Variants in PHKA2 observed in about 807,000 individuals in gnomAD.
The protein encoded by PHKA2 is phosphorylase kinase regulatory subunit alpha 2, also known as phosphorylase b kinase regulatory subunit alpha, liver isoform.
PHKA2 carries 31 observed loss-of-function variants against 102.0 expected under a neutral mutation model. That is an observed-to-expected ratio of 0.30 (90% CI 0.23 to 0.41). PHKA2 has a LOEUF of 0.41. Ranked by LOEUF, PHKA2 falls within the 10% of genes least tolerant of loss-of-function variation. The pLI, the probability that PHKA2 is intolerant of heterozygous loss-of-function variation, is 1.00. For synonymous variants in PHKA2, 455 were observed against 416.2 expected (o/e 1.09, Z -1.13); for missense variants, 858 against 1,023.1 (o/e 0.84, Z 2.20).
At chrX:18,930,638 C>T (rs771567074) in intron 12 of PHKA2, among the ~76,000 whole-genome samples, 1 of 111,460 alleles carries the variant, frequency 9.0e-6, no homozygotes, top group Non-Finnish European at 1.9e-5. Flanking sequence ...GATCAGAGAA[C>T]TAGTGAGAGA....
In PHKA2 at chrX:18,930,656, G is replaced by A. The variant is rs774937119; in HGVS notation, c.1245+985C>T. 4.5e-5 allele frequency among the ~76,000 whole-genome samples: 5 copies of A among 111,361 alleles called. No homozygotes were observed. The South Asian group carries it at 1.9e-3, about 42-fold the overall frequency. On this transcript the variant is annotated intron_variant, in intron 12 of 32. Coordinates refer to ENST00000379942, the MANE Select transcript of PHKA2 (RefSeq NM_000292.3). Reference sequence around the variant, plus strand: ...CAGAGAACTAGTGAGAGACAGGGCTGGCTTTCAAAGGAGATATATGCGTTT... The same window carrying A: ...CAGAGAACTAGTGAGAGACAGGGCTAGCTTTCAAAGGAGATATATGCGTTT...
rs2047801126 is a variant in PHKA2, at chrX:18,905,856, TCTC to T, written c.2807_2809del (p.Gly936del). The T allele has an allele frequency of 5.1e-6, 6 of 1,185,667 alleles. No individual in the cohort carries two copies. The highest frequency in any genetic ancestry group is 6.9e-6 in the Non-Finnish European group (6 of 871,921). ...GTTCATCAAACTTTCAGAAGCCTCT[TCTC>T]CTAAAAACAAATATCTTGTAAGTGT... On this transcript the variant is annotated inframe_deletion and splice_region_variant, in exon 26 of 33. Coordinates refer to ENST00000379942, the MANE Select transcript of PHKA2 (RefSeq NM_000292.3).
At chrX:18,953,198 C>T (rs1443168065) in intron 2 of PHKA2, among the ~76,000 whole-genome samples, 2 of 112,209 alleles carry the variant, frequency 1.8e-5, no homozygotes, top group Non-Finnish European at 3.8e-5. Flanking sequence ...TCAGTGCTCT[C>T]TACTTCAATG....
chrX:18,948,812 A>C lies in PHKA2; in HGVS notation c.469T>G (p.Phe157Val). The C allele has an allele frequency of 1.7e-6, 2 of 1,181,293 alleles. No individual in the cohort carries two copies. Among genetic ancestry groups the C allele is most frequent in the South Asian group, 3.6e-5 (2 of 56,230 alleles). The change falls in exon 5 of 33, where the codon TTC (phenylalanine) becomes GTC (valine). Residue 157 changes from phenylalanine to valine, a missense_variant. By Grantham distance (50) the Phe-to-Val change is conservative. Transcript: ENST00000379942. ...QMTASGLRIIFTLDEVAFIQN... is the reference protein window; with the variant it reads ...QMTASGLRIIVTLDEVAFIQN... The stretch of plus-strand genomic sequence containing the variant: ...ATGAAGGCCACCTCATCGAGAGTGA[A>C]AATGATACGTAAGCCTAGCAAAGAA...
intron 22 of PHKA2, 98 bp from the exon 23 acceptor site, chrX:18,907,195 G>A (rs764200875): frequency 6.4e-6 from 4 of 627,509 alleles, no homozygotes; most frequent in Admixed American, 2.6e-5. Flanking sequence ...CAATCAGATC[G>A]TACATTTACC....
intron 19 of PHKA2, among the ~76,000 whole-genome samples, chrX:18,913,553 G>A (rs1201082047): frequency 1.1e-4 from 12 of 109,184 alleles, no homozygotes; most frequent in Admixed American, 6.9e-4. Context: ...TTACAGGTGT[G>A]TGCCTCCACG....
chrX:18,911,108 C>A, intron 19 of PHKA2, 148 bp from the exon 20 acceptor site: 1 of 357,501 alleles, frequency 2.8e-6, no homozygotes, highest in Non-Finnish European at 5.2e-6. Flanking sequence ...CGGGTTCAAG[C>A]GATTCTCCTG....
intron 19 of PHKA2, among the ~76,000 whole-genome samples, chrX:18,913,695 C>A (rs1404681810): frequency 8.9e-6 from 1 of 112,174 alleles, no homozygotes; most frequent in Non-Finnish European, 1.9e-5. Flanking sequence ...CACAGCCGGC[C>A]CACAAAAATA....
intron 8 of PHKA2, among the ~76,000 whole-genome samples, chrX:18,940,456 G>C (rs887217134): frequency 8.9e-6 from 1 of 112,034 alleles, no homozygotes; most frequent in Non-Finnish European, 1.9e-5. Flanking sequence ...GCTCCTGGAA[G>C]TTAGGCTTTG....
chrX:18,915,383 T>C (rs1382448444), intron 19 of PHKA2: 1 of 109,142 alleles, frequency 9.2e-6, no homozygotes, highest in African/African-American at 3.3e-5. Flanking sequence ...ATTTTTACTA[T>C]TTTTTTGAGA....
At chrX:18,898,342 C>T (rs1274128095) in intron 29 of PHKA2, among the ~76,000 whole-genome samples, 1 of 112,914 alleles carries the variant, frequency 8.9e-6, no homozygotes, top group Non-Finnish European at 1.9e-5. Context: ...GGGGGCGCAT[C>T]CCCTCCCTGC....
chrX:18,905,770 C>T lies in PHKA2; in HGVS notation c.2896G>A (p.Val966Ile), dbSNP rs751080938. The T allele has an allele frequency of 1.2e-4, 142 of 1,197,063 alleles. 1 individual carries two copies. The highest frequency in any genetic ancestry group is 4.6e-4 in the South Asian group (26 of 56,559). The part of the protein sequence containing the change: ...HHILSGKEFG[V>I]ERSVRPIHSS... ...GCATGGAACTTACCACTTCTTTCAA[C>T]GCCAAACTCTTTCCCACTTAGAATA... Residue 966 changes from valine (V) to isoleucine (I), a missense_variant, in exon 26 of 33, where the codon GTT (valine) becomes ATT (isoleucine). Coordinates refer to ENST00000379942, the MANE Select transcript of PHKA2 (RefSeq NM_000292.3).
intron 2 of PHKA2, 114 bp from the exon 3 acceptor site, chrX:18,952,655 G>T: frequency 1.5e-6 from 1 of 666,592 alleles, no homozygotes; most frequent in Non-Finnish European, 2.5e-6. Flanking sequence ...CCCTGGAAAG[G>T]CCAGTCCCGA....
intron 17 of PHKA2, among the ~76,000 whole-genome samples, chrX:18,922,517 C>A (rs2048140054): frequency 9.0e-6 from 1 of 111,668 alleles, no homozygotes; most frequent in African/African-American, 3.3e-5. Context: ...GCAGAGGGAC[C>A]AACCTCAGCG....
intron 12 of PHKA2, among the ~76,000 whole-genome samples, chrX:18,929,570 A>T (rs909198109): frequency 2.7e-5 from 3 of 112,008 alleles, no homozygotes; most frequent in African/African-American, 9.7e-5. Context: ...ATGATAACCA[A>T]TACTTTCTGA....
rs2047462518 is a variant in PHKA2 at position 18,893,389 on chromosome X, C to T, written c.*96G>A. The T allele has an allele frequency of 1.1e-6, 1 of 885,738 alleles. No homozygotes were observed. The highest frequency in any genetic ancestry group is 2.2e-5 in the Admixed American group (1 of 45,019). 73.0% of individuals were successfully genotyped at this position (885,738 alleles called of 1,213,427 possible). On this transcript the variant is annotated 3_prime_UTR_variant, in exon 33 of 33. Transcript: ENST00000379942. ...AGTGTTTCTGATGGGACATGCTTTC[C>T]TGATAGCACAGGGGATCTTGGGGGA...
intron 21 of PHKA2, among the ~76,000 whole-genome samples, chrX:18,908,443 C>G (rs1288062389): frequency 8.9e-6 from 1 of 112,575 alleles, no homozygotes; most frequent in Non-Finnish European, 1.9e-5. Flanking sequence ...CATAAACTTA[C>G]TGCTACGGCT....
chrX:18,908,037 T>G lies in PHKA2; in HGVS notation c.2380A>C (p.Asn794His). The G allele has an allele frequency of 8.3e-7, 1 of 1,211,426 alleles. No individual in the cohort carries two copies. The change falls in exon 22 of 33, where the codon AAT (asparagine) becomes CAT (histidine). Residue 794 changes from asparagine to histidine, a missense_variant. By Grantham distance (68) the Asn-to-His change is moderately conservative. Coordinates refer to ENST00000379942, the MANE Select transcript of PHKA2 (RefSeq NM_000292.3). ...YVIKGPSWDTNLSGQHGVTVQ... is the reference protein window; with the variant it reads ...YVIKGPSWDTHLSGQHGVTVQ... ...GTGACCCCGTGCTGTCCAGAGAGATTTGTGTCCCAGCTGGGACCCCTGCCA... is the reference window on the plus strand; with the variant it reads ...GTGACCCCGTGCTGTCCAGAGAGATGTGTGTCCCAGCTGGGACCCCTGCCA...
chrX:18,968,763 G>A (rs188748680), intron 1 of PHKA2, among the ~76,000 whole-genome samples: 1 of 112,487 alleles, frequency 8.9e-6, no homozygotes, highest in Non-Finnish European at 1.9e-5. Context: ...GTATCAGGAA[G>A]CTTTAAGTCA....
Sources: gnomAD v4.1 joint callset for allele counts (sites outside exome capture counted in the v4.1 genomes callset) on GRCh38, gnomAD v4.1.1 for gene constraint, MANE v1.5 for transcripts, NCBI Gene and HGNC (gene_info 2026-07-23, HGNC 2026-07-21) for gene names.